Variants in SYT17 observed in about 807,000 individuals in gnomAD.
The protein encoded by SYT17 is synaptotagmin 17.
SYT17 carries 22 observed loss-of-function variants against 46.7 expected under a neutral mutation model. That is an observed-to-expected ratio of 0.47 (90% CI 0.34 to 0.67). The LOEUF is 0.67. Among genes scored for constraint, SYT17 ranks in the 30% least tolerant of loss-of-function variants. The pLI is 0.01. For missense variants in SYT17, 519 were observed against 612.8 expected (o/e 0.85, Z 1.62); for synonymous variants, 251 against 248.4 (o/e 1.01, Z -0.10).
At chr16:19,266,009 T>C (rs1969330458) in intron 7 of SYT17, among the ~76,000 whole-genome samples, 1 of 152,222 alleles carries the variant, frequency 6.6e-6, no homozygotes, top group Non-Finnish European at 1.5e-5. Flanking sequence ...CAGTATAACA[T>C]TTGTTGAGCT....
intron 1 of SYT17, chr16:19,172,083 C>T (rs1964118000): frequency 6.3e-6 from 1 of 159,556 alleles, no homozygotes; most frequent in South Asian, 1.8e-4. Context: ...ATCTAGCCTA[C>T]TTGGCCCATT....
intron 7 of SYT17, among the ~76,000 whole-genome samples, chr16:19,225,299 C>T (rs1225932251): frequency 6.6e-6 from 1 of 152,064 alleles, no homozygotes; most frequent in Non-Finnish European, 1.5e-5. Flanking sequence ...TATGAAAAAA[C>T]AGTGTCACCT....
intron 1 of SYT17, chr16:19,171,206 C>T (rs1475698692): frequency 6.5e-6 from 1 of 152,898 alleles, no homozygotes. Context: ...GTGATAAGTG[C>T]CTTTGACTAT....
At chr16:19,202,059 CA>C (rs1965488446) in intron 5 of SYT17, among the ~76,000 whole-genome samples, 1 of 151,962 alleles carries the variant, frequency 6.6e-6, no homozygotes, top group Non-Finnish European at 1.5e-5. Context: ...TTCCTCATAC[CA>C]ACCACTTCTC....
Position 19,192,382 on chromosome 16 carries a change from C to T in SYT17, c.951+8235C>T, listed in dbSNP as rs144456980. Among the ~76,000 whole-genome samples, 1,118 of 152,102 alleles carry T rather than the reference C, an allele frequency of 7.4e-3. 12 individuals are homozygous for T. The highest frequency in any genetic ancestry group is 0.026 in the African/African-American group (1,066 of 41,494). On this transcript the variant is annotated intron_variant, in intron 5 of 7. Transcript: ENST00000355377. ...GCTGCAGTGAGCCAAGATCGCACCA[C>T]TGCACTCCAGTCTGGACAGCAGAGC...
intron 7 of SYT17, among the ~76,000 whole-genome samples, chr16:19,238,282 G>A (rs1355699219): frequency 6.6e-6 from 1 of 152,182 alleles, no homozygotes; most frequent in Non-Finnish European, 1.5e-5. Context: ...GCTATTGTGG[G>A]GACAAAAGGA....
At position 19,168,463 on chromosome 16, in the gene SYT17, G is replaced by T. The variant is rs554700566; in HGVS notation, c.-184G>T. On this transcript the variant is annotated 5_prime_UTR_variant, in exon 1 of 8. In the 5' UTR this introduces an upstream ATG that the reference lacks. Coordinates refer to ENST00000355377, the MANE Select transcript of SYT17 (RefSeq NM_016524.4). This position sits in a 1 kb window ranked among gnomAD's most constrained non-coding sequence, Gnocchi z 6.9. ...TTCCGAGAGCCGGAACGCAGGGAAA[G>T]GCAAGGACGGGGCGGCCGGCGGAGG... 7.0e-5 allele frequency: 54 copies of T among 774,288 alleles called. No homozygotes were observed. Among genetic ancestry groups the T allele is most frequent in the Middle Eastern group, 3.5e-4 (1 of 2,832 alleles). The allele number at this position is 774,288 out of a possible 1,614,324, so 48.0% of individuals were successfully genotyped here.
intron 5 of SYT17, among the ~76,000 whole-genome samples, chr16:19,222,713 A>G (rs1966365401): frequency 6.6e-6 from 1 of 152,212 alleles, no homozygotes; most frequent in Non-Finnish European, 1.5e-5. Flanking sequence ...TGTTAAACAG[A>G]GTTAATACTA....
chr16:19,180,619 G>A, intron 4 of SYT17, 80 bp downstream of exon 4: 1 of 1,560,990 alleles, frequency 6.4e-7, no homozygotes, highest in South Asian at 1.1e-5. Flanking sequence ...ATGAAGGGCA[G>A]TGTTATTGCT....
intron 7 of SYT17, among the ~76,000 whole-genome samples, chr16:19,258,195 T>C (rs998491854): frequency 6.6e-6 from 1 of 152,080 alleles, no homozygotes. Context: ...CTTCACCCTC[T>C]AGAACTCACT....
chr16:19,195,760 G>A (rs1026784838), intron 5 of SYT17, among the ~76,000 whole-genome samples: 10 of 151,770 alleles, frequency 6.6e-5, no homozygotes, highest in African/African-American at 2.4e-4. Flanking sequence ...AAGGCGGGGG[G>A]ATTATGTGAG....
At chr16:19,232,372 T>G (rs2142912788) in intron 7 of SYT17, among the ~76,000 whole-genome samples, 1 of 152,330 alleles carries the variant, frequency 6.6e-6, no homozygotes, top group Admixed American at 6.5e-5. Flanking sequence ...ATGCAAATTC[T>G]GACTCAGTAA....
chr16:19,264,066 C>T (rs1969189854), intron 7 of SYT17, among the ~76,000 whole-genome samples: 1 of 152,200 alleles, frequency 6.6e-6, no homozygotes, highest in East Asian at 1.9e-4. Context: ...GAGAACTAGC[C>T]TGTCCCTTCC....
intron 5 of SYT17, among the ~76,000 whole-genome samples, chr16:19,197,593 C>T (rs1004101098): frequency 1.2e-4 from 19 of 152,062 alleles, no homozygotes; most frequent in Admixed American, 1.2e-3. Context: ...GGACCACAGT[C>T]GTGAGCCACC....
intron 7 of SYT17, among the ~76,000 whole-genome samples, chr16:19,234,468 T>C (rs1426439321): frequency 6.6e-6 from 1 of 152,218 alleles, no homozygotes; most frequent in East Asian, 1.9e-4. Context: ...TATTTATTTT[T>C]ACCTTTCCTC....
chr16:19,244,569 A>G (rs1381273044), intron 7 of SYT17, among the ~76,000 whole-genome samples: 4 of 152,144 alleles, frequency 2.6e-5, no homozygotes, highest in African/African-American at 7.2e-5. Flanking sequence ...TCCTGGCCTC[A>G]GGCAATTTTC....
At chr16:19,185,081 C>T (rs1267199248) in intron 5 of SYT17, among the ~76,000 whole-genome samples, 1 of 152,018 alleles carries the variant, frequency 6.6e-6, no homozygotes, top group Non-Finnish European at 1.5e-5. Context: ...CTTCCTCCTT[C>T]CCTCCCTTCC....
At chr16:19,245,091 G>A (rs1967439666) in intron 7 of SYT17, among the ~76,000 whole-genome samples, 1 of 152,158 alleles carries the variant, frequency 6.6e-6, no homozygotes, top group Non-Finnish European at 1.5e-5. Context: ...GTCAACAGTG[G>A]GGGAATCTCA....
chr16:19,265,641 C>T (rs935559854), intron 7 of SYT17, among the ~76,000 whole-genome samples: 6 of 152,160 alleles, frequency 3.9e-5, no homozygotes, highest in East Asian at 1.9e-4. Flanking sequence ...GCTCGGCTCA[C>T]GCTGGGTGAA....
Sources: allele counts gnomAD v4.1 joint callset (sites outside exome capture counted in the v4.1 genomes callset), GRCh38; gene constraint gnomAD v4.1.1; non-coding constraint Gnocchi (gnomAD v3.1); transcripts MANE v1.5; gene names NCBI Gene and HGNC (gene_info 2026-07-23, HGNC 2026-07-21).